ADAM23: variants seen among roughly 807,000 people sequenced by gnomAD.
ADAM23 encodes ADAM metallopeptidase domain 23.
In ADAM23, 33 loss-of-function variants were observed where a neutral mutation model predicts 120.1. That is an observed-to-expected ratio of 0.27 (90% CI 0.21 to 0.37). ADAM23 has a LOEUF of 0.37. ADAM23 is among the 10% of genes least tolerant of loss of function. The pLI, the probability that ADAM23 is intolerant of heterozygous loss-of-function variation, is 1.00. For missense variants in ADAM23, 862 were observed against 1,058.2 expected (o/e 0.81, Z 2.57); for synonymous variants, 367 against 375.2 (o/e 0.98, Z 0.25).
In ADAM23 at chr2:206,465,202, C is replaced by T. The variant is rs146068606; in HGVS notation, c.433-16030C>T. The stretch of plus-strand genomic sequence containing the variant: ...TGTAGGCTCACACCACCATGCCTGG[C>T]TATTTTTTTCTACTGTTTGTACAGA... On this transcript the variant is annotated intron_variant, in intron 2 of 25. Transcript: ENST00000264377. Among the ~76,000 whole-genome samples, 25 of 152,224 alleles carry T rather than the reference C, an allele frequency of 1.6e-4. No homozygotes were observed. The East Asian group carries it at 3.5e-3, about 21-fold the overall frequency.
chr2:206,592,468 A>T (rs991775050), intron 21 of ADAM23, 149 bp from the exon 22 acceptor site: 2 of 993,028 alleles, frequency 2.0e-6, no homozygotes, highest in South Asian at 1.9e-5. Context: ...GGAGGAGGTT[A>T]TCACCTACCA....
rs894819096 is a variant in ADAM23 at position 206,459,686 on chromosome 2, A to T, written c.432+14162A>T. Among the ~76,000 whole-genome samples, 27 of 152,148 alleles carry T rather than the reference A, an allele frequency of 1.8e-4. 1 individual carries two copies. The highest frequency in any genetic ancestry group is 2.4e-4 in the Non-Finnish European group (16 of 68,012). ...TCTCCACTTGGATGTCTTATAGGCA[A>T]CTCAAGCTTAACATACCCAAAATGG... On this transcript the variant is annotated intron_variant, in intron 2 of 25. Transcript: ENST00000264377.
At chr2:206,597,047 G>A (rs1351458094) in intron 24 of ADAM23, among the ~76,000 whole-genome samples, 1 of 149,538 alleles carries the variant, frequency 6.7e-6, no homozygotes, top group African/African-American at 2.5e-5. Flanking sequence ...TTTATTTTTT[G>A]TAGAGACAAG....
At chr2:206,503,952 G>A (rs1227053330) in intron 3 of ADAM23, among the ~76,000 whole-genome samples, 2 of 152,020 alleles carry the variant, frequency 1.3e-5, no homozygotes, top group African/African-American at 4.8e-5. Context: ...ACCTATAAAG[G>A]ACTATTTTGA....
intron 3 of ADAM23, among the ~76,000 whole-genome samples, chr2:206,519,661 T>C (rs907135646): frequency 4.6e-5 from 7 of 152,202 alleles, no homozygotes; most frequent in African/African-American, 1.7e-4. Context: ...TTGAGATTAC[T>C]GTAGAAGTAT....
chr2:206,454,306 C>T (rs1231288992), intron 2 of ADAM23, among the ~76,000 whole-genome samples: 4 of 152,036 alleles, frequency 2.6e-5, no homozygotes, highest in Non-Finnish European at 5.9e-5. Flanking sequence ...AGAGAAGTGC[C>T]ATACACTTTT....
rs1364739480 is a variant in ADAM23 at position 206,620,417 on chromosome 2, T to C, written c.*2790T>C. On this transcript the variant is annotated 3_prime_UTR_variant, in exon 26 of 26. Transcript: ENST00000264377. ...TGAAAGTTAATGCAACCATATCAAT[T>C]GTAAAAATGGATTATAATTATTTTT... The C allele has an allele frequency of 6.6e-6, 1 of 152,218 alleles. No individual in the cohort carries two copies. Among genetic ancestry groups the C allele is most frequent in the Non-Finnish European group, 1.5e-5 (1 of 68,040 alleles). The allele number at this position is 152,218 out of a possible 1,614,324, so 9.4% of individuals were successfully genotyped here. A position where few individuals can be genotyped will look rare whatever the true frequency, so the allele number is the denominator to read the frequency against.
intron 24 of ADAM23, among the ~76,000 whole-genome samples, chr2:206,603,144 A>G (rs1311924354): frequency 6.6e-6 from 1 of 152,212 alleles, no homozygotes; most frequent in Admixed American, 6.5e-5. Flanking sequence ...GTAATGAATG[A>G]ATTAATGAAT....
rs1385797117 is a variant in ADAM23, at chr2:206,560,115, T to C, written c.1166T>C (p.Ile389Thr). ...CAGCATGCTGATGCTGTGCACCTCA[T>C]CTCGTACGTACTCATTTCAGCCTTT... The part of the protein sequence containing the change: ...IKQHADAVHL[I>T]SRVTFHYKRS... The change falls in exon 11 of 26, where the codon ATC becomes ACC. Residue 389 changes from isoleucine (I) to threonine (T), a missense_variant. Physicochemically the swap from Ile to Thr is moderately conservative, Grantham distance 89. Coordinates refer to ENST00000264377, the MANE Select transcript of ADAM23 (RefSeq NM_003812.4). 4 of 1,613,156 alleles carry C rather than the reference T, an allele frequency of 2.5e-6. No homozygotes were observed. In the Admixed American group the frequency reaches 5.0e-5, roughly 20 times the overall value.
intron 2 of ADAM23, among the ~76,000 whole-genome samples, chr2:206,446,703 G>T (rs1695088698): frequency 6.6e-6 from 1 of 151,990 alleles, no homozygotes; most frequent in Non-Finnish European, 1.5e-5. Flanking sequence ...GAATATTACT[G>T]GAGAGGTGAA....
intron 2 of ADAM23, among the ~76,000 whole-genome samples, chr2:206,450,876 G>A (rs1695178784): frequency 6.6e-6 from 1 of 152,212 alleles, no homozygotes; most frequent in African/African-American, 2.4e-5. Context: ...ATCAGGCGCT[G>A]TGCTAGACTC....
intron 24 of ADAM23, among the ~76,000 whole-genome samples, chr2:206,608,879 G>A (rs1012209883): frequency 6.6e-6 from 1 of 152,134 alleles, no homozygotes; most frequent in Non-Finnish European, 1.5e-5. Context: ...AAGGATTTTC[G>A]GGAAACTAGC....
chr2:206,605,949 G>A, intron 24 of ADAM23: 1 of 602,106 alleles, frequency 1.7e-6, no homozygotes, highest in Non-Finnish European at 2.9e-6. Flanking sequence ...GCCTGTACCT[G>A]ACTCCATGTC....
At chr2:206,615,816 G>A (rs566040690) in intron 25 of ADAM23, among the ~76,000 whole-genome samples, 96 of 152,308 alleles carry the variant, frequency 6.3e-4, no homozygotes, top group Non-Finnish European at 1.1e-3. Flanking sequence ...GGACACCAGC[G>A]GTTGTCTGTG....
rs1012734223 is a variant in ADAM23, at chr2:206,593,228, G to A, written c.2078+492G>A. Among the ~76,000 whole-genome samples the A allele has an allele frequency of 2.6e-5, 4 of 152,154 alleles. 1 individual carries two copies. Among genetic ancestry groups the A allele is most frequent in the African/African-American group, 9.7e-5 (4 of 41,446 alleles). ...ATAAGCAAACATTTGATATCCAGTT[G>A]TCTGTGAGTACAAGGCATGTAGATA... is the stretch of plus-strand genomic sequence containing the variant. On this transcript the variant is annotated intron_variant, in intron 22 of 25. Transcript: ENST00000264377.
intron 5 of ADAM23, 51 bp downstream of exon 5, chr2:206,542,185 CT>C: frequency 6.5e-7 from 1 of 1,544,118 alleles, no homozygotes; most frequent in Non-Finnish European, 9.0e-7. Flanking sequence ...TCCAGTTTCC[CT>C]TTTATGGATA....
intron 4 of ADAM23, 62 bp from the exon 5 acceptor site, chr2:206,541,990 A>G (rs1345794407): frequency 2.6e-6 from 4 of 1,541,966 alleles, no homozygotes; most frequent in Non-Finnish European, 3.6e-6. Context: ...GCTTTATGGA[A>G]GCACCCAAAG....
intron 2 of ADAM23, among the ~76,000 whole-genome samples, chr2:206,452,230 G>GT (rs1409828654): frequency 6.6e-6 from 1 of 152,210 alleles, no homozygotes; most frequent in African/African-American, 2.4e-5. Context: ...GGGCATTTGA[G>GT]TTTGGATCCT....
intron 3 of ADAM23, among the ~76,000 whole-genome samples, chr2:206,485,404 A>C (rs1310231992): frequency 6.6e-6 from 1 of 152,202 alleles, no homozygotes; most frequent in Non-Finnish European, 1.5e-5. Context: ...TAAGTTATCA[A>C]AGGAGGGAAA....
Sources: gnomAD v4.1 joint callset for allele counts (sites outside exome capture counted in the v4.1 genomes callset) on GRCh38, gnomAD v4.1.1 for gene constraint, MANE v1.5 for transcripts, NCBI Gene and HGNC (gene_info 2026-07-23, HGNC 2026-07-21) for gene names.